MZT2B: variants seen among roughly 807,000 people sequenced by gnomAD.
MZT2B encodes mitotic-spindle organizing protein 2B.
In MZT2B, 11 loss-of-function variants were observed where a neutral mutation model predicts 12.1. The observed-to-expected ratio is 0.91, with a 90% CI of 0.57 to 1.50. The LOEUF (loss-of-function observed/expected upper bound fraction) is 1.50, where lower values mean the gene tolerates loss of function less well. MZT2B is among the 40% of genes most tolerant of loss of function. The pLI is 0.00. For missense variants in MZT2B, 209 were observed against 227.7 expected (o/e 0.92, Z 0.53); for synonymous variants, 85 against 109.5 (o/e 0.78, Z 1.40).
intron 2 of MZT2B, among the ~76,000 whole-genome samples, chr2:130,189,073 T>C (rs1457514079): frequency 6.6e-6 from 1 of 152,078 alleles, no homozygotes; most frequent in Non-Finnish European, 1.5e-5. Flanking sequence ...CCCAAACCTT[T>C]CCAGGATGAG....
chr2:130,189,346 A>T (rs1690175890), intron 2 of MZT2B, among the ~76,000 whole-genome samples: 1 of 152,164 alleles, frequency 6.6e-6, no homozygotes, highest in Non-Finnish European at 1.5e-5. Flanking sequence ...AACAACCTAA[A>T]CGTGTATCAG....
chr2:130,198,460 A>G, the MZT2B span: 2 of 1,296,940 alleles, frequency 1.5e-6, no homozygotes, highest in Non-Finnish European at 2.1e-6. Flanking sequence ...CGCGCGCCGC[A>G]CAGGATTGGC....
At chr2:130,184,056 G>A in intron 2 of MZT2B, 11 of 1,550,146 alleles carry the variant, frequency 7.1e-6, no homozygotes, top group Non-Finnish European at 9.6e-6. Context: ...GCAGCTTTGA[G>A]CTCCAAGGGC....
chr2:130,186,078 G>C (rs1263596237), intron 2 of MZT2B, among the ~76,000 whole-genome samples: 1 of 152,044 alleles, frequency 6.6e-6, no homozygotes, highest in Admixed American at 6.6e-5. Context: ...ACATGTTACA[G>C]CATCTGACCA....
At chr2:130,198,452 C>T in the MZT2B span, 71 of 1,318,262 alleles carry the variant, frequency 5.4e-5, 24 homozygotes, top group Admixed American at 1.8e-4. Context: ...CCTGCCCACG[C>T]GCGCCGCACA....
At chr2:130,191,198 T>C (rs1378011090), downstream of MZT2B, among the ~76,000 whole-genome samples, 2 of 152,176 alleles carry the variant, frequency 1.3e-5, no homozygotes, top group African/African-American at 4.8e-5. Flanking sequence ...GGAGGTTTTC[T>C]ACCAAGGCAG....
At chr2:130,202,206 A>G in the MZT2B span, 10 of 878,002 alleles carry the variant, frequency 1.1e-5, no homozygotes, top group African/African-American at 1.6e-4. Context: ...ATACAGCACT[A>G]AAAAAAACAG....
At chr2:130,190,744 T>G, downstream of MZT2B, 1 of 1,291,520 alleles carries the variant, frequency 7.7e-7, no homozygotes, top group African/African-American at 1.7e-5. Flanking sequence ...GTCTACCGTT[T>G]TTTTTTTTTG....
At chr2:130,188,430 T>G (rs1690140983) in intron 2 of MZT2B, among the ~76,000 whole-genome samples, 1 of 152,140 alleles carries the variant, frequency 6.6e-6, no homozygotes, top group African/African-American at 2.4e-5. Context: ...GACCAGTCAG[T>G]GGGGACTAGA....
At chr2:130,193,763 G>T, downstream of MZT2B, 1 of 1,582,068 alleles carries the variant, frequency 6.3e-7, no homozygotes, top group African/African-American at 1.3e-5. Flanking sequence ...TTGCTGAAAG[G>T]CCTCCATGTC....
chr2:130,190,081 A>G (rs919296485), intron 2 of MZT2B, among the ~76,000 whole-genome samples: 28 of 152,220 alleles, frequency 1.8e-4, no homozygotes, highest in African/African-American at 5.5e-4. Context: ...GAGGCAGCGC[A>G]TCCCTGCTGC....
chr2:130,192,921 C>T (rs183198753), downstream of MZT2B, among the ~76,000 whole-genome samples: 1 of 152,162 alleles, frequency 6.6e-6, no homozygotes, highest in African/African-American at 2.4e-5. Context: ...TGGCAAAATC[C>T]CATCTCTACT....
chr2:130,185,260 G>A (rs1573761644), intron 2 of MZT2B, among the ~76,000 whole-genome samples: 2 of 148,952 alleles, frequency 1.3e-5, no homozygotes, highest in Admixed American at 6.7e-5. Context: ...ACAGTGAGCC[G>A]AGATCACACC....
chr2:130,191,805 A>G, downstream of MZT2B: 1 of 1,586,722 alleles, frequency 6.3e-7, no homozygotes, highest in Non-Finnish European at 8.6e-7. Flanking sequence ...TAGGGGTGGC[A>G]GGGGAGAACC....
In MZT2B at chr2:130,182,313, G is replaced by T. The variant is rs1307036139; in HGVS notation, c.31G>T (p.Gly11Trp). Residue 11 changes from glycine to tryptophan, a missense_variant, in exon 1 of 3, where the codon GGG becomes TGG. Physicochemically the swap from Gly to Trp is radical, Grantham distance 184. Transcript: ENST00000281871. MAAQGVGPGP[G>W]SAAPPGLEAA... ...GGCGCAGGGCGTAGGGCCTGGGCCG[G>T]GGTCGGCGGCGCCCCCGGGGCTGGA... The T allele has an allele frequency of 4.0e-6, 6 of 1,513,734 alleles. No homozygotes were observed. The African/African-American group carries it at 5.7e-5, about 14-fold the overall frequency. 93.8% of individuals were successfully genotyped at this position (1,513,734 alleles called of 1,614,324 possible). A position where few individuals can be genotyped will look rare whatever the true frequency, so the allele number is the denominator to read the frequency against.
intron 2 of MZT2B, among the ~76,000 whole-genome samples, chr2:130,183,322 A>G (rs538293940): frequency 1.7e-4 from 26 of 152,310 alleles, no homozygotes; most frequent in African/African-American, 5.8e-4. Context: ...GTTCCTGCGC[A>G]GGGGCTTGGC....
At chr2:130,181,863 T>A (rs1001043467), upstream of MZT2B, 2 of 1,438,598 alleles carry the variant, frequency 1.4e-6, no homozygotes, top group Non-Finnish European at 1.9e-6. Flanking sequence ...GCCCCCCCCT[T>A]CCCCCCGCCC....
intron 2 of MZT2B, chr2:130,184,322 C>G: frequency 3.0e-6 from 3 of 985,436 alleles, no homozygotes; most frequent in Non-Finnish European, 3.6e-6. Context: ...ACCTCGGCCT[C>G]TTAGAAGTTG....
downstream of MZT2B, chr2:130,195,156 C>T (rs200445657): frequency 6.6e-5 from 106 of 1,613,846 alleles, 1 homozygote; most frequent in East Asian, 2.2e-3. Context: ...TAATTACTGG[C>T]TGCATCTTCC....
Sources: allele counts gnomAD v4.1 joint callset (sites outside exome capture counted in the v4.1 genomes callset), GRCh38; gene constraint gnomAD v4.1.1; transcripts MANE v1.5; gene names NCBI Gene and HGNC (gene_info 2026-07-23, HGNC 2026-07-21).